The following PATJ variants were observed in gnomAD, a reference collection of about 807,000 sequenced individuals.
PATJ encodes inaD-like protein.
Under a neutral mutation model 224.9 loss-of-function variants are expected in PATJ, and 190 were observed. That is an observed-to-expected ratio of 0.84 (90% CI 0.75 to 0.95). The LOEUF (loss-of-function observed/expected upper bound fraction) is 0.95. Ranked by LOEUF, PATJ falls within the 40% of genes least tolerant of loss-of-function variation. PATJ has a pLI of 0.00. For missense variants in PATJ, 2,121 were observed against 2,270.3 expected, an observed-to-expected ratio of 0.93 and a Z score of 1.34; for synonymous variants, 769 against 820.3, an observed-to-expected ratio of 0.94 and a Z score of 1.07.
chr1:61,903,664 CATT>C (rs1282602572), intron 24 of PATJ, among the ~76,000 whole-genome samples: 1 of 151,960 alleles, frequency 6.6e-6, no homozygotes, highest in Non-Finnish European at 1.5e-5. Context: ...TTGCTTTTGA[CATT>C]ATGTGGTTTT....
At chr1:62,136,332 C>T (rs551798399) in intron 41 of PATJ, among the ~76,000 whole-genome samples, 9 of 150,950 alleles carry the variant, frequency 6.0e-5, no homozygotes, top group Non-Finnish European at 1.0e-4. Flanking sequence ...ACGCCCAGCC[C>T]GATCATTAAA....
At chr1:61,792,089 A>G (rs908783467) in intron 9 of PATJ, among the ~76,000 whole-genome samples, 11 of 151,970 alleles carry the variant, frequency 7.2e-5, no homozygotes, top group South Asian at 2.1e-4. Flanking sequence ...AAAATGTTCA[A>G]TTTTTTTTAA....
Position 62,128,960 on chromosome 1 carries a change from G to A in PATJ, c.5271+15G>A, listed in dbSNP as rs762298964. 2.3e-5 allele frequency: 36 copies of A among 1,540,186 alleles called. No individual in the cohort carries two copies. The East Asian group carries it at 5.4e-4, about 23-fold the overall frequency. On this transcript the variant is annotated intron_variant, in intron 41 of 43. Coordinates refer to ENST00000642238, the MANE Select transcript of PATJ (RefSeq NM_001350145.3). ...TTATCCTGCAGGTATTGCGATCAAC[G>A]GAGCACGCAGCTGTGCAAGGCAGAT...
chr1:61,831,872 A>G (rs756606247), intron 16 of PATJ, among the ~76,000 whole-genome samples: 5 of 152,240 alleles, frequency 3.3e-5, no homozygotes, highest in Non-Finnish European at 7.3e-5. Context: ...ATAAAGATGC[A>G]TGTGTATGTT....
chr1:61,795,913 TTCTA>T (rs1242225245), intron 10 of PATJ, among the ~76,000 whole-genome samples: 29 of 152,252 alleles, frequency 1.9e-4, no homozygotes, highest in African/African-American at 6.5e-4. Flanking sequence ...AACCAGCTCT[TTCTA>T]TCTTTTTGTA....
chr1:62,116,883 T>C (rs530732415), intron 36 of PATJ, among the ~76,000 whole-genome samples: 26 of 152,334 alleles, frequency 1.7e-4, no homozygotes, highest in African/African-American at 6.0e-4. Flanking sequence ...AAAGGGAACC[T>C]GCTTTGGGAT....
chr1:61,763,266 A>G (rs1646067648), intron 3 of PATJ, 87 bp downstream of exon 3: 1 of 778,518 alleles, frequency 1.3e-6, no homozygotes, highest in African/African-American at 1.8e-5. Flanking sequence ...AGACAAAGAC[A>G]AATTATCTTT....
At chr1:61,859,068 G>T (rs765518464) in intron 18 of PATJ, among the ~76,000 whole-genome samples, 1 of 152,168 alleles carries the variant, frequency 6.6e-6, no homozygotes, top group Non-Finnish European at 1.5e-5. Flanking sequence ...ACTTTGTCTA[G>T]ACTTTCCCTG....
intron 28 of PATJ, among the ~76,000 whole-genome samples, chr1:62,011,700 G>C (rs1646459977): frequency 1.4e-5 from 2 of 146,086 alleles, no homozygotes; most frequent in Admixed American, 1.4e-4. Flanking sequence ...ATGCAGGGTT[G>C]CCACAAACTT....
chr1:61,830,980 G>A (rs1289411516), intron 16 of PATJ, among the ~76,000 whole-genome samples: 1 of 152,098 alleles, frequency 6.6e-6, no homozygotes, highest in East Asian at 1.9e-4. Context: ...GAGGTCAGGA[G>A]ATTGAGACCT....
At position 62,011,420 on chromosome 1, in the gene PATJ, G is replaced by A. The variant is rs78522702; in HGVS notation, c.3868-6436G>A. Among the ~76,000 whole-genome samples, 1,123 of 152,262 alleles carry A rather than the reference G, an allele frequency of 7.4e-3. 12 individuals are homozygous for A. Among genetic ancestry groups the A allele is most frequent in the South Asian group, 0.021 (102 of 4,810 alleles). On this transcript the variant is annotated intron_variant, in intron 28 of 43. Transcript: ENST00000642238. ...CTTGGAATCGGAAGGCCTCGGAGGA[G>A]AGAAAAAGAGATGGGGAGCAGCTGG...
At chr1:61,987,025 G>T (rs1644799374) in intron 27 of PATJ, among the ~76,000 whole-genome samples, 1 of 151,420 alleles carries the variant, frequency 6.6e-6, no homozygotes, top group African/African-American at 2.4e-5. Context: ...CTTTAGCTGT[G>T]TCTCTCAAGT....
rs528856355 is a variant in PATJ at position 61,923,705 on chromosome 1, G to A, written c.3571-4025G>A. ...GGCTGAGGTGGGTGGATCACCTGAG[G>A]CCAGGAGTTTGAGACCAGCCTGAGC... On this transcript the variant is annotated intron_variant, in intron 26 of 43. Coordinates refer to ENST00000642238, the MANE Select transcript of PATJ (RefSeq NM_001350145.3). 1.1e-4 allele frequency among the ~76,000 whole-genome samples: 17 copies of A among 150,600 alleles called. No homozygotes were observed. In the East Asian group the frequency reaches 3.4e-3, roughly 30 times the overall value.
intron 27 of PATJ, among the ~76,000 whole-genome samples, chr1:61,942,472 G>C (rs1677963063): frequency 6.6e-6 from 1 of 151,742 alleles, no homozygotes; most frequent in Non-Finnish European, 1.5e-5. Context: ...CAAAATGATA[G>C]ACAGTACAAC....
rs1341993627 is a variant in PATJ, at chr1:62,017,838, G to A, written c.3868-18G>A. 1.5e-6 allele frequency: 2 copies of A among 1,375,416 alleles called. No homozygotes were observed. The highest frequency in any genetic ancestry group is 2.1e-6 in the Non-Finnish European group (2 of 964,770). The allele number at this position is 1,375,416 out of a possible 1,614,324, so 85.2% of individuals were successfully genotyped here. A position where few individuals can be genotyped will look rare whatever the true frequency, so the allele number is the denominator to read the frequency against. On this transcript the variant is annotated intron_variant, in intron 28 of 43. Transcript: ENST00000642238. ...GTAGACATGTATAATTTAGTACATT[G>A]TGGTTTTTCCCAAACAGATAAACAA...
At chr1:61,962,849 A>G (rs1681504635) in intron 27 of PATJ, among the ~76,000 whole-genome samples, 1 of 152,218 alleles carries the variant, frequency 6.6e-6, no homozygotes, top group Non-Finnish European at 1.5e-5. Context: ...CAAAATGTCA[A>G]GAAGATACTA....
At chr1:62,017,413 C>A (rs1227626002) in intron 28 of PATJ, among the ~76,000 whole-genome samples, 73 of 134,522 alleles carry the variant, frequency 5.4e-4, no homozygotes, top group Admixed American at 7.5e-4. Context: ...GACTCCGCCT[C>A]AAAAAAAAAA....
chr1:61,964,941 A>G (rs867700369), intron 27 of PATJ, among the ~76,000 whole-genome samples: 2 of 151,562 alleles, frequency 1.3e-5, no homozygotes, highest in Non-Finnish European at 2.9e-5. Flanking sequence ...GTGAAACCCC[A>G]TCTCTACTAA....
chr1:61,869,569 G>A (rs917988937), intron 20 of PATJ, among the ~76,000 whole-genome samples: 2 of 152,096 alleles, frequency 1.3e-5, no homozygotes, highest in African/African-American at 4.8e-5. Context: ...GCTCTGAGAA[G>A]GCTTTTTTCT....
Sources: gnomAD v4.1 joint callset for allele counts (sites outside exome capture counted in the v4.1 genomes callset) on GRCh38, gnomAD v4.1.1 for gene constraint, MANE v1.5 for transcripts, NCBI Gene and HGNC (gene_info 2026-07-23, HGNC 2026-07-21) for gene names.